The following ANAPC2 variants were observed in gnomAD, a reference collection of about 807,000 sequenced individuals.
ANAPC2 encodes anaphase-promoting complex subunit 2.
ANAPC2 carries 29 observed loss-of-function variants against 84.3 expected under a neutral mutation model. That is an observed-to-expected ratio of 0.34 (90% CI 0.26 to 0.47). ANAPC2 has a LOEUF of 0.47. Among genes scored for constraint, ANAPC2 ranks in the 20% least tolerant of loss-of-function variants. The pLI is 1.00. For missense variants in ANAPC2, 857 were observed against 1,131.7 expected, an observed-to-expected ratio of 0.76 and a Z score of 3.48; for synonymous variants, 571 against 479.4, an observed-to-expected ratio of 1.19 and a Z score of -2.50.
intron 2 of ANAPC2, chr9:137,187,255 G>T: frequency 1.7e-6 from 1 of 595,370 alleles, no homozygotes; most frequent in Admixed American, 3.2e-5. Flanking sequence ...AAGCCACATA[G>T]GGCCTTACCA....
intron 7 of ANAPC2, 40 bp from the exon 8 acceptor site, chr9:137,180,969 T>C (rs763982346): frequency 6.2e-7 from 1 of 1,605,134 alleles, no homozygotes; most frequent in Non-Finnish European, 8.5e-7. Context: ...GACAGGCACC[T>C]GGGCAAGGAC....
intron 4 of ANAPC2, among the ~76,000 whole-genome samples, chr9:137,184,069 G>A (rs1487297765): frequency 6.6e-6 from 1 of 152,360 alleles, no homozygotes; most frequent in East Asian, 1.9e-4. Flanking sequence ...GCACTGTCCA[G>A]CATCTGCCAC....
intron 4 of ANAPC2, 117 bp from the exon 5 acceptor site, chr9:137,183,908 T>C (rs1034765650): frequency 7.3e-7 from 1 of 1,363,562 alleles, no homozygotes; most frequent in African/African-American, 1.4e-5. Context: ...AGGACGATGA[T>C]GAGACCACCT....
At chr9:137,183,835 G>A in intron 4 of ANAPC2, 44 bp from the exon 5 acceptor site, 2 of 1,605,484 alleles carry the variant, frequency 1.2e-6, no homozygotes, top group Non-Finnish European at 8.5e-7. Context: ...ATGGATGCGT[G>A]CGCACGTGCA....
chr9:137,184,569 C>T (rs1185409163), intron 4 of ANAPC2, among the ~76,000 whole-genome samples: 2 of 130,450 alleles, frequency 1.5e-5, no homozygotes, highest in African/African-American at 6.0e-5. Flanking sequence ...CACAGGGAGC[C>T]CAGACGCAGA....
chr9:137,185,009 C>CGGCCTCGGGAGATGCG lies in ANAPC2; in HGVS notation c.936_951dup (p.Gly318ArgfsTer83). 1 of 1,605,592 alleles carries CGGCCTCGGGAGATGCG rather than the reference C, an allele frequency of 6.2e-7. No homozygotes were observed. Among genetic ancestry groups the CGGCCTCGGGAGATGCG allele is most frequent in the Non-Finnish European group, 8.5e-7 (1 of 1,177,040 alleles). On this transcript the variant is annotated frameshift_variant, in exon 4 of 13. Coordinates refer to ENST00000323927, the MANE Select transcript of ANAPC2 (RefSeq NM_013366.4). LOFTEE classifies it high-confidence loss of function. ...CAGCGCCAGCGGCGCAGGGTGTTGC[C>CGGCCTCGGGAGATGCG]GGCCTCGGGAGATGCGGGCCTGGCG... is the stretch of plus-strand genomic sequence containing the variant.
chr9:137,174,859 A>G lies in ANAPC2; in HGVS notation c.*83T>C, dbSNP rs1473345894. On this transcript the variant is annotated 3_prime_UTR_variant, in exon 13 of 13. Coordinates refer to ENST00000323927, the MANE Select transcript of ANAPC2 (RefSeq NM_013366.4). The surrounding 1 kb of genome is among the most constrained non-coding windows in gnomAD (Gnocchi z 6.1). ...GCTCCTCAGCAGTGCATTCTGGGAC[A>G]CGGGCGGGCGGGGGCTGGCACGGGA... 4 of 1,292,438 alleles carry G rather than the reference A, an allele frequency of 3.1e-6. No homozygotes were observed. The Admixed American group carries it at 8.1e-5, about 26-fold the overall frequency. 80.1% of individuals were successfully genotyped at this position (1,292,438 alleles called of 1,614,324 possible). A position where few individuals can be genotyped will look rare whatever the true frequency, so the allele number is the denominator to read the frequency against.
At chr9:137,181,138 G>A (rs1834332796) in intron 7 of ANAPC2, among the ~76,000 whole-genome samples, 3 of 152,192 alleles carry the variant, frequency 2.0e-5, no homozygotes, top group African/African-American at 7.2e-5. Context: ...CACCCCACAG[G>A]GACCTTCCGG....
At chr9:137,179,987 C>G (rs574457382) in intron 10 of ANAPC2, among the ~76,000 whole-genome samples, 194 bp downstream of exon 10, 1 of 152,248 alleles carries the variant, frequency 6.6e-6, no homozygotes, top group African/African-American at 2.4e-5. Flanking sequence ...ACAGGGGACA[C>G]GGGGTTGCTG....
intron 10 of ANAPC2, among the ~76,000 whole-genome samples, chr9:137,177,603 T>C: frequency 6.6e-6 from 1 of 152,134 alleles, no homozygotes; most frequent in East Asian, 1.9e-4. Flanking sequence ...GATGCTGAAA[T>C]GGTGAAGACT....
chr9:137,185,094 G>T lies in ANAPC2; in HGVS notation c.874-7C>A. On this transcript the variant is annotated splice_polypyrimidine_tract_variant and splice_region_variant and intron_variant, in intron 3 of 12. Coordinates refer to ENST00000323927, the MANE Select transcript of ANAPC2 (RefSeq NM_013366.4). ...CGACCACCCGCTCGATCCACTGTCAGGAGAACGCTAGTGTGAGCTGCAGGG... is the reference window on the plus strand; with the variant it reads ...CGACCACCCGCTCGATCCACTGTCATGAGAACGCTAGTGTGAGCTGCAGGG... The T allele has an allele frequency of 6.5e-7, 1 of 1,534,904 alleles. No homozygotes were observed.
Position 137,180,283 on chromosome 9 carries a change from C to T in ANAPC2, c.1788G>A (p.Leu596=), listed in dbSNP as rs200796659. The T allele has an allele frequency of 2.5e-6, 4 of 1,613,702 alleles. No individual in the cohort carries two copies. Among genetic ancestry groups the T allele is most frequent in the Non-Finnish European group, 3.4e-6 (4 of 1,180,036 alleles). The change falls in exon 10 of 13, where the codon CTG becomes CTA. Residue 596 remains leucine, a synonymous_variant. Coordinates refer to ENST00000323927, the MANE Select transcript of ANAPC2 (RefSeq NM_013366.4). ...QPPFGVYAVI[L]SSEFWPPFKD... ...TGAAGGGCGGCCAGAACTCACTGGA[C>T]AGGATGACAGCGTAGACCCCGAACG...
chr9:137,188,352 G>T, intron 1 of ANAPC2, 64 bp downstream of exon 1: 1 of 1,524,432 alleles, frequency 6.6e-7, no homozygotes, highest in Non-Finnish European at 8.9e-7. Context: ...GAGGGTAGCG[G>T]CCCCAAAGCG....
chr9:137,177,031 C>T (rs931859809), intron 10 of ANAPC2: 5 of 152,188 alleles, frequency 3.3e-5, no homozygotes, highest in African/African-American at 1.2e-4. Flanking sequence ...TGAGGTGTGA[C>T]CTGTGTATCC....
intron 4 of ANAPC2, 63 bp from the exon 5 acceptor site, chr9:137,183,854 C>G (rs1234862959): frequency 2.1e-5 from 34 of 1,589,546 alleles, no homozygotes; most frequent in Non-Finnish European, 2.7e-5. Flanking sequence ...CAGGCTGGTG[C>G]AGAGTGTGTG....
intron 2 of ANAPC2, chr9:137,187,094 G>A (rs1032285706): frequency 2.1e-4 from 45 of 218,450 alleles, no homozygotes; most frequent in Admixed American, 4.1e-4. Context: ...TTCCTGGAGA[G>A]AAGCAGCAGC....
rs772340832 is a variant in ANAPC2 at position 137,188,553 on chromosome 9, A to C, written c.-21T>G. 1.3e-6 allele frequency: 2 copies of C among 1,597,024 alleles called. No individual in the cohort carries two copies. Among genetic ancestry groups the C allele is most frequent in the Admixed American group, 3.4e-5 (2 of 57,982 alleles). ...GCCATCTGCACCCACCGACTCCGAG[A>C]TTCGCTCGGCGCGGCGCGCGGCGAT... On this transcript the variant is annotated 5_prime_UTR_variant, in exon 1 of 13. Coordinates refer to ENST00000323927, the MANE Select transcript of ANAPC2 (RefSeq NM_013366.4).
chr9:137,181,744 C>G lies in ANAPC2; in HGVS notation c.1405G>C (p.Asp469His). ...GGCTCGCCTGAGTCATCCTCACTGT[C>G]CTGGCCTGTCTCCAGGCTCGCCGGG... ...TDPASLETGQ[D>H]SEDDSGEPED... is the part of the protein sequence containing the mutation. The change falls in exon 7 of 13, where the codon GAC (aspartate) becomes CAC (histidine). Residue 469 changes from aspartate to histidine, a missense_variant. Coordinates refer to ENST00000323927, the MANE Select transcript of ANAPC2 (RefSeq NM_013366.4). The G allele has an allele frequency of 1.2e-6, 2 of 1,612,480 alleles. No homozygotes were observed. The highest frequency in any genetic ancestry group is 4.5e-5 in the East Asian group (2 of 44,882).
At chr9:137,186,782 G>C (rs757009262) in intron 2 of ANAPC2, 4 of 178,506 alleles carry the variant, frequency 2.2e-5, no homozygotes, top group East Asian at 1.5e-4. Context: ...AGTGACAAAA[G>C]GACTCAAGAG....
Sources: gnomAD v4.1 joint callset for allele counts (sites outside exome capture counted in the v4.1 genomes callset) on GRCh38, gnomAD v4.1.1 for gene constraint, Gnocchi (gnomAD v3.1) non-coding constraint, MANE v1.5 for transcripts, NCBI Gene and HGNC (gene_info 2026-07-23, HGNC 2026-07-21) for gene names.